TUBGCP5: variants seen among roughly 807,000 people sequenced by gnomAD.
TUBGCP5 encodes the protein gamma-tubulin complex component 5.
A neutral mutation model predicts 134.7 loss-of-function variants in TUBGCP5; 98 were observed. That is an observed-to-expected ratio of 0.73 (90% CI 0.62 to 0.86). TUBGCP5 has a LOEUF of 0.86. Ranked by LOEUF, TUBGCP5 falls within the 40% of genes least tolerant of loss-of-function variation. TUBGCP5 has a pLI of 0.00. For missense variants in TUBGCP5, 1,150 were observed against 1,244.8 expected (o/e 0.92, Z 1.15); for synonymous variants, 456 against 431.4 (o/e 1.06, Z -0.71).
Position 23,021,991 on chromosome 15 carries a change from A to C in TUBGCP5, c.1339T>G (p.Tyr447Asp), listed in dbSNP as rs1418018432. The C allele has an allele frequency of 6.2e-7, 1 of 1,614,152 alleles. No individual in the cohort carries two copies. Among genetic ancestry groups the C allele is most frequent in the Non-Finnish European group, 8.5e-7 (1 of 1,180,032 alleles). Residue 447 changes from tyrosine to aspartate, a missense_variant, in exon 11 of 23, where the codon TAT becomes GAT. This residue lies in a region of TUBGCP5 where 697 missense variants were observed against 850.1 expected (regional missense o/e 0.82). Transcript: ENST00000615383. ...TCAGAGGCTTCTCCAACATTGTCAT[A>C]TTCAAGAATGGCCTTGTACAGGGTG... ...LNTLYKAILE[Y>D]DNVGEASEQT...
At position 23,036,917 on chromosome 15, in the gene TUBGCP5, G is replaced by A. The variant is rs766791904; in HGVS notation, c.289C>T (p.Pro97Ser). ...LTEEFLNAPL[P>S]SIKEIKTDAH... ...CATACCTTTATTTCCTTTATACTGGGAAGTGGTGCATTTAGAAATTCCTCC... is the reference window on the plus strand; with the variant it reads ...CATACCTTTATTTCCTTTATACTGGAAAGTGGTGCATTTAGAAATTCCTCC... Residue 97 changes from proline (P) to serine (S), a missense_variant, in exon 3 of 23, where the codon CCC becomes TCC. Physicochemically the swap from Pro to Ser is moderately conservative, Grantham distance 74. Around this residue, in one of 2 missense-constraint regions of TUBGCP5, gnomAD observed 453 missense variants for 394.7 expected, o/e 1.15. Transcript: ENST00000615383. 7.5e-6 allele frequency: 12 copies of A among 1,609,442 alleles called. No homozygotes were observed. The highest frequency in any genetic ancestry group is 1.0e-5 in the Non-Finnish European group (12 of 1,176,366).
rs192924995 is a variant in TUBGCP5 at position 23,038,633 on chromosome 15, C to G, written c.146+765G>C. On this transcript the variant is annotated intron_variant, in intron 1 of 22. Coordinates refer to ENST00000615383, the MANE Select transcript of TUBGCP5 (RefSeq NM_052903.6). ...GGATTTTGAAAAACTGTTCATTATT[C>G]AAGAAGATTTTTACTGAAATTAAAC... 1.2e-3 allele frequency among the ~76,000 whole-genome samples: 183 copies of G among 152,152 alleles called. 1 individual carries two copies. The highest frequency in any genetic ancestry group is 6.8e-3 in the Middle Eastern group (2 of 294).
Position 23,019,233 on chromosome 15 carries a change from C to T in TUBGCP5, c.1473G>A (p.Glu491=). ...VHGHLWDGAR[E]FIIQRNKNVP... is the part of the protein sequence containing the mutation. ...CTGCAGCTCACCTCTGGATGATGAA[C>T]TCCCTGGCGCCATCCCACAGGTGCC... is the stretch of plus-strand genomic sequence containing the variant. The change falls in exon 12 of 23, where the codon GAG becomes GAA. Residue 491 remains glutamate, a synonymous_variant. Coordinates refer to ENST00000615383, the MANE Select transcript of TUBGCP5 (RefSeq NM_052903.6). 1 of 1,613,476 alleles carries T rather than the reference C, an allele frequency of 6.2e-7. No individual in the cohort carries two copies. Among genetic ancestry groups the T allele is most frequent in the Non-Finnish European group, 8.5e-7 (1 of 1,179,636 alleles).
In TUBGCP5 at chr15:22,999,857, A is replaced by G. The variant is rs999556250; in HGVS notation, c.3038T>C (p.Leu1013Pro). Residue 1013 changes from leucine to proline, a missense_variant, in exon 23 of 23, where the codon CTA becomes CCA. By Grantham distance (98) the Leu-to-Pro change is moderately conservative. Coordinates refer to ENST00000615383, the MANE Select transcript of TUBGCP5 (RefSeq NM_052903.6). ...CRGSFPHLES[L>P]ALSLMAGMEQ... Reference sequence around the variant, plus strand: ...CATGCCAGCCATGAGTGACAACGCTAGAGATTCCACTGTGGGAAGAATAAA... The same window carrying G: ...CATGCCAGCCATGAGTGACAACGCTGGAGATTCCACTGTGGGAAGAATAAA... 1.2e-6 allele frequency: 2 copies of G among 1,613,832 alleles called. No homozygotes were observed. Among genetic ancestry groups the G allele is most frequent in the African/African-American group, 2.7e-5 (2 of 74,932 alleles).
At position 23,029,289 on chromosome 15, in the gene TUBGCP5, T is replaced by C. The variant is rs558295146; in HGVS notation, c.622+1596A>G. Reference sequence around the variant, plus strand: ...CAGGCTGGAGTGCAATGGTGTGATCTTGGCTCTCTGCAACCTCTACCTGCT... The same window carrying C: ...CAGGCTGGAGTGCAATGGTGTGATCCTGGCTCTCTGCAACCTCTACCTGCT... On this transcript the variant is annotated intron_variant, in intron 6 of 22. Coordinates refer to ENST00000615383, the MANE Select transcript of TUBGCP5 (RefSeq NM_052903.6). Among the ~76,000 whole-genome samples, 4 of 152,342 alleles carry C rather than the reference T, an allele frequency of 2.6e-5. No individual in the cohort carries two copies. The South Asian group carries it at 8.3e-4, about 32-fold the overall frequency.
At chr15:22,995,099 C>T (rs538899288), downstream of TUBGCP5, among the ~76,000 whole-genome samples, 3 of 152,064 alleles carry the variant, frequency 2.0e-5, no homozygotes, top group Non-Finnish European at 4.4e-5. Flanking sequence ...CAAAAATTAC[C>T]TGGGCATGAT....
chr15:23,024,958 G>T (rs2065907964), intron 8 of TUBGCP5, 128 bp from the exon 9 acceptor site: 1 of 612,470 alleles, frequency 1.6e-6, no homozygotes, highest in Non-Finnish European at 2.9e-6. Flanking sequence ...CTGGAGTGCA[G>T]CAGCATGATC....
At position 23,031,963 on chromosome 15, in the gene TUBGCP5, T is replaced by C. The variant is rs573311796; in HGVS notation, c.473A>G (p.Tyr158Cys). ...MEDEEMDIGPYMDTPNWSEES... is the reference protein window; with the variant it reads ...MEDEEMDIGPCMDTPNWSEES... ...ACTACCACTTACTGGTGTGTCCATG[T>C]ACGGACCAATGTCCATTTCTTCATC... Residue 158 changes from tyrosine to cysteine, a missense_variant, in exon 5 of 23, where the codon TAC becomes TGC. This residue lies in a region of TUBGCP5 where 453 missense variants were observed against 394.7 expected (regional missense o/e 1.15). Coordinates refer to ENST00000615383, the MANE Select transcript of TUBGCP5 (RefSeq NM_052903.6). 3.2e-5 allele frequency: 51 copies of C among 1,612,362 alleles called. No homozygotes were observed. Among genetic ancestry groups the C allele is most frequent in the East Asian group, 6.7e-5 (3 of 44,860 alleles).
chr15:23,031,151 T>C (rs1161847868), intron 5 of TUBGCP5, 131 bp from the exon 6 acceptor site: 3 of 864,566 alleles, frequency 3.5e-6, no homozygotes, highest in Non-Finnish European at 5.0e-6. Context: ...AACAAATTTT[T>C]TTTTCCTAAA....
At chr15:22,984,376 T>C (rs1475153829) in intron 23 of TUBGCP5, among the ~76,000 whole-genome samples, 1 of 152,080 alleles carries the variant, frequency 6.6e-6, no homozygotes, top group Non-Finnish European at 1.5e-5. Context: ...TCCCAGCACT[T>C]TGGGAGGCCA....
rs548352069 is a variant in TUBGCP5 at position 23,031,166 on chromosome 15, T to C, written c.487-146A>G. ...AACAAATTTTTTTTTCCTAAATCTCTTGGAAGTGCCTATTATAGGAATGGA... is the reference window on the plus strand; with the variant it reads ...AACAAATTTTTTTTTCCTAAATCTCCTGGAAGTGCCTATTATAGGAATGGA... On this transcript the variant is annotated intron_variant, in intron 5 of 22. Coordinates refer to ENST00000615383, the MANE Select transcript of TUBGCP5 (RefSeq NM_052903.6). 11 of 673,448 alleles carry C rather than the reference T, an allele frequency of 1.6e-5. No individual in the cohort carries two copies. The East Asian group carries it at 2.5e-4, about 16-fold the overall frequency. 41.7% of individuals were successfully genotyped at this position (673,448 alleles called of 1,614,324 possible).
intron 20 of TUBGCP5, among the ~76,000 whole-genome samples, 167 bp downstream of exon 20, chr15:23,003,935 G>T (rs970132787): frequency 6.6e-6 from 1 of 152,162 alleles, no homozygotes; most frequent in Non-Finnish European, 1.5e-5. Flanking sequence ...TTACAGGCAT[G>T]AGCCATTGTG....
intron 19 of TUBGCP5, among the ~76,000 whole-genome samples, 192 bp downstream of exon 19, chr15:23,005,240 G>A (rs1448734278): frequency 6.6e-6 from 1 of 152,126 alleles, no homozygotes; most frequent in African/African-American, 2.4e-5. Flanking sequence ...AACAGCCTCT[G>A]GATACACATA....
At chr15:23,020,584 CAAAAA>C (rs542905350) in intron 11 of TUBGCP5, among the ~76,000 whole-genome samples, 74 of 76,248 alleles carry the variant, frequency 9.7e-4, no homozygotes, top group African/African-American at 3.5e-3. Flanking sequence ...GACTACGTCT[CAAAAA>C]AAAAAAAAAA....
Position 23,017,970 on chromosome 15 carries a change from T to C in TUBGCP5, c.1559A>G (p.Lys520Arg), listed in dbSNP as rs2065436825. The change falls in exon 13 of 23, where the codon AAG (lysine) becomes AGG (arginine). Residue 520 changes from lysine to arginine, a missense_variant. Lys to Arg is a conservative substitution (Grantham distance 26). Transcript: ENST00000615383. The part of the protein sequence containing the change: ...ATYTLYSVSE[K>R]TENEEKMSDN... ...ACTCATTTTTTCTTCATTTTCTGTCTTTTCTGATACGCTATATAACGTGTA... is the reference window on the plus strand; with the variant it reads ...ACTCATTTTTTCTTCATTTTCTGTCCTTTCTGATACGCTATATAACGTGTA... 1 of 1,614,206 alleles carries C rather than the reference T, an allele frequency of 6.2e-7. No homozygotes were observed. Among genetic ancestry groups the C allele is most frequent in the Non-Finnish European group, 8.5e-7 (1 of 1,180,014 alleles).
At chr15:22,985,942 G>A (rs2063664342) in intron 23 of TUBGCP5, among the ~76,000 whole-genome samples, 1 of 151,706 alleles carries the variant, frequency 6.6e-6, no homozygotes, top group South Asian at 2.1e-4. Context: ...GACCATCCTG[G>A]CTAACACGGT....
rs1465402526 is a variant in TUBGCP5 at position 23,013,207 on chromosome 15, C to T, written c.1757-1876G>A. On this transcript the variant is annotated intron_variant, in intron 13 of 22. Coordinates refer to ENST00000615383, the MANE Select transcript of TUBGCP5 (RefSeq NM_052903.6). The surrounding 1 kb of genome is among the most constrained non-coding windows in gnomAD (Gnocchi z 4.5). ...GTGACTCACACCTGTAATCCCAACA[C>T]TTCAGGAGGCCGAGGCGGGCGGATC... Among the ~76,000 whole-genome samples, 8 of 151,962 alleles carry T rather than the reference C, an allele frequency of 5.3e-5. No homozygotes were observed. Among genetic ancestry groups the T allele is most frequent in the African/African-American group, 1.7e-4 (7 of 41,348 alleles).
At chr15:22,985,295 C>G (rs1225148372) in intron 23 of TUBGCP5, among the ~76,000 whole-genome samples, 1 of 152,044 alleles carries the variant, frequency 6.6e-6, no homozygotes, top group African/African-American at 2.4e-5. Flanking sequence ...CTCTGCTCAC[C>G]ACAACCTCCA....
In TUBGCP5 at chr15:23,000,648, C is replaced by T. The variant is rs774888805; in HGVS notation, c.2949G>A (p.Met983Ile). The change falls in exon 22 of 23, where the codon ATG becomes ATA. Residue 983 changes from methionine to isoleucine, a missense_variant. Met to Ile is a conservative substitution (Grantham distance 10, BLOSUM62 1). Transcript: ENST00000615383. ...GTWRMESIEK[M>I]ESDFKNCHMF... The stretch of plus-strand genomic sequence containing the variant: ...TATGGCAGTTTTTAAAATCAGATTC[C>T]ATTTTCTCTATAGATTCCATTCTAG... 1 of 1,605,708 alleles carries T rather than the reference C, an allele frequency of 6.2e-7. No homozygotes were observed.
Sources: allele counts gnomAD v4.1 joint callset (sites outside exome capture counted in the v4.1 genomes callset), GRCh38; gene constraint gnomAD v4.1.1; regional missense constraint gnomAD v4.1.1; non-coding constraint Gnocchi (gnomAD v3.1); transcripts MANE v1.5; gene names NCBI Gene and HGNC (gene_info 2026-07-23, HGNC 2026-07-21).